Variants in SEMA5A observed in about 807,000 individuals in gnomAD.
SEMA5A encodes the protein semaphorin-5A.
In SEMA5A, 55 loss-of-function variants were observed where a neutral mutation model predicts 135.5. That is an observed-to-expected ratio of 0.41 (90% CI 0.33 to 0.51). The LOEUF (loss-of-function observed/expected upper bound fraction) is 0.51. Among genes scored for constraint, SEMA5A ranks in the 20% least tolerant of loss-of-function variants. SEMA5A has a pLI of 0.37. For missense variants in SEMA5A, 1,290 were observed against 1,419.9 expected (o/e 0.91, Z 1.47); for synonymous variants, 580 against 546.5 (o/e 1.06, Z -0.85).
chr5:9,374,635 G>A (rs953466510), intron 3 of SEMA5A, among the ~76,000 whole-genome samples: 101 of 152,018 alleles, frequency 6.6e-4, no homozygotes, highest in African/African-American at 2.3e-3. Flanking sequence ...GTGTGTGTGT[G>A]TGTGTGTGTG....
At chr5:9,538,134 A>G (rs1378895774) in intron 1 of SEMA5A, among the ~76,000 whole-genome samples, 1 of 152,236 alleles carries the variant, frequency 6.6e-6, no homozygotes, top group East Asian at 1.9e-4. Flanking sequence ...AAAACAGTGG[A>G]AGAGCAAGGA....
chr5:9,295,628 G>A (rs903273438), intron 5 of SEMA5A, among the ~76,000 whole-genome samples: 7 of 152,202 alleles, frequency 4.6e-5, no homozygotes, highest in Non-Finnish European at 8.8e-5. Flanking sequence ...CAGGTGGTCT[G>A]AGAGCTAATC....
intron 3 of SEMA5A, among the ~76,000 whole-genome samples, chr5:9,355,910 A>G (rs184488171): frequency 9.9e-5 from 15 of 152,280 alleles, no homozygotes; most frequent in Non-Finnish European, 1.3e-4. Flanking sequence ...TCTATCTACA[A>G]CCTCTATAGT....
intron 1 of SEMA5A, among the ~76,000 whole-genome samples, chr5:9,477,029 G>A (rs1205991649): frequency 6.6e-6 from 1 of 152,146 alleles, no homozygotes; most frequent in Non-Finnish European, 1.5e-5. Context: ...GAACCTGGTA[G>A]GAGATGATTG....
At chr5:9,375,949 T>C (rs1454884755) in intron 3 of SEMA5A, among the ~76,000 whole-genome samples, 1 of 152,094 alleles carries the variant, frequency 6.6e-6, no homozygotes, top group Non-Finnish European at 1.5e-5. Context: ...CTCTTCTTGA[T>C]TCTATATGGA....
rs186840174 is a variant in SEMA5A, at chr5:9,446,911, G to C, written c.-174-9059C>G. Among the ~76,000 whole-genome samples, 488 of 152,228 alleles carry C rather than the reference G, an allele frequency of 3.2e-3. 2 individuals carry two copies. Among genetic ancestry groups the C allele is most frequent in the African/African-American group, 0.011 (473 of 41,532 alleles). On this transcript the variant is annotated intron_variant, in intron 1 of 22. Transcript: ENST00000382496. Reference sequence around the variant, plus strand: ...TCATTACATAGAAGAGCGAAATGCCGGCCACAGATTAAACCACATCTGACA... The same window carrying C: ...TCATTACATAGAAGAGCGAAATGCCCGCCACAGATTAAACCACATCTGACA...
At chr5:9,126,864 G>T (rs1034622956) in intron 13 of SEMA5A, among the ~76,000 whole-genome samples, 2 of 152,174 alleles carry the variant, frequency 1.3e-5, no homozygotes, top group African/African-American at 4.8e-5. Flanking sequence ...GTTATCTATA[G>T]GGGTGAGTTA....
At chr5:9,467,338 T>G (rs1330842667) in intron 1 of SEMA5A, among the ~76,000 whole-genome samples, 1 of 152,090 alleles carries the variant, frequency 6.6e-6, no homozygotes, top group Non-Finnish European at 1.5e-5. Flanking sequence ...TGTCTTGAAC[T>G]GTTGACCTCA....
chr5:9,150,909 C>T (rs1288355346), intron 12 of SEMA5A, among the ~76,000 whole-genome samples: 1 of 152,146 alleles, frequency 6.6e-6, no homozygotes, highest in Admixed American at 6.5e-5. Context: ...TCCAGCAGCT[C>T]CTTCAGCTGA....
At chr5:9,050,286 C>A in intron 21 of SEMA5A, 124 bp downstream of exon 21, 1 of 813,812 alleles carries the variant, frequency 1.2e-6, no homozygotes, top group East Asian at 2.8e-5. Context: ...GCCTGGGATC[C>A]ATGACTTTCT....
At chr5:9,521,312 A>G (rs1736816800) in intron 1 of SEMA5A, among the ~76,000 whole-genome samples, 1 of 152,236 alleles carries the variant, frequency 6.6e-6, no homozygotes, top group African/African-American at 2.4e-5. Flanking sequence ...CGGGAGGCTG[A>G]GGTAGGAGAA....
At chr5:9,155,530 C>T (rs894169671) in intron 11 of SEMA5A, among the ~76,000 whole-genome samples, 8 of 152,144 alleles carry the variant, frequency 5.3e-5, no homozygotes, top group Non-Finnish European at 1.0e-4. Flanking sequence ...CTGCAAATCC[C>T]AGGCATGAAA....
At chr5:9,323,464 A>G (rs972892876) in intron 4 of SEMA5A, among the ~76,000 whole-genome samples, 6 of 149,002 alleles carry the variant, frequency 4.0e-5, no homozygotes, top group Non-Finnish European at 7.6e-5. Context: ...ATTTGTTAAT[A>G]AAATCAGTTG....
intron 5 of SEMA5A, among the ~76,000 whole-genome samples, chr5:9,258,803 C>CTTTTTTTTTTTTTTTTTTTTTTTTTTTTT (rs748703578): frequency 1.0e-4 from 5 of 48,988 alleles, no homozygotes; most frequent in Non-Finnish European, 1.7e-4. Context: ...TTCTTTCTTT[C>CTTTTTTTTTTTTTTTTTTTTTTTTTTTTT]TTTTTTTTTT....
intron 2 of SEMA5A, among the ~76,000 whole-genome samples, chr5:9,426,432 TAAATAAAATA>T (rs149891161): frequency 0.023 from 2,801 of 121,024 alleles, 37 homozygotes; most frequent in Non-Finnish European, 0.027. Flanking sequence ...CTCAAAAAAA[TAAATAAAATA>T]AAATAAAATA....
intron 5 of SEMA5A, among the ~76,000 whole-genome samples, chr5:9,258,173 A>G (rs1221439640): frequency 1.3e-5 from 2 of 152,232 alleles, no homozygotes; most frequent in Non-Finnish European, 2.9e-5. Flanking sequence ...GAATATCAAG[A>G]GAAGCTAGAA....
intron 2 of SEMA5A, among the ~76,000 whole-genome samples, chr5:9,424,477 G>T (rs1227652997): frequency 5.3e-5 from 8 of 152,148 alleles, no homozygotes; most frequent in Non-Finnish European, 1.0e-4. Context: ...AGAGGCCCTG[G>T]ATTTCAAACA....
chr5:9,107,320 T>C (rs901519763), intron 16 of SEMA5A, among the ~76,000 whole-genome samples: 2 of 152,158 alleles, frequency 1.3e-5, no homozygotes, highest in Non-Finnish European at 2.9e-5. Flanking sequence ...GGAATTTTAT[T>C]TGACAGTTTA....
chr5:9,154,140 T>C (rs1273149269), intron 12 of SEMA5A, among the ~76,000 whole-genome samples: 3 of 145,088 alleles, frequency 2.1e-5, no homozygotes, highest in Non-Finnish European at 3.0e-5. Flanking sequence ...TGTGTGTGTA[T>C]ATATATATAC....
Sources: gnomAD v4.1 joint callset for allele counts (sites outside exome capture counted in the v4.1 genomes callset) on GRCh38, gnomAD v4.1.1 for gene constraint, MANE v1.5 for transcripts, NCBI Gene and HGNC (gene_info 2026-07-23, HGNC 2026-07-21) for gene names.